The following RYR2 variants were observed in gnomAD, a reference collection of about 807,000 sequenced individuals.
RYR2 encodes the protein ryanodine receptor 2.
In RYR2, 227 loss-of-function variants were observed where a neutral mutation model predicts 601.1. That is an observed-to-expected ratio of 0.38 (90% CI 0.34 to 0.42). The LOEUF (loss-of-function observed/expected upper bound fraction) is 0.42, where lower values mean the gene tolerates loss of function less well. Among genes scored for constraint, RYR2 ranks in the 10% least tolerant of loss-of-function variants. RYR2 has a pLI of 1.00. For missense variants in RYR2, 4,646 were observed against 6,156.5 expected (o/e 0.75, Z 8.21); for synonymous variants, 2,223 against 2,175.1 (o/e 1.02, Z -0.61).
intron 10 of RYR2, among the ~76,000 whole-genome samples, chr1:237,404,023 G>T (rs183232688): frequency 9.7e-4 from 148 of 152,324 alleles, no homozygotes; most frequent in South Asian, 1.9e-3. Context: ...GGAGACTCAG[G>T]TGGGTGGATT....
intron 1 of RYR2, among the ~76,000 whole-genome samples, chr1:237,142,794 T>A (rs903754021): frequency 2.6e-5 from 4 of 152,174 alleles, no homozygotes; most frequent in African/African-American, 9.7e-5. Flanking sequence ...CCTGCCCTTG[T>A]TTCACTGGAA....
intron 11 of RYR2, among the ~76,000 whole-genome samples, chr1:237,422,350 T>C (rs200640150): frequency 1.5e-4 from 23 of 152,198 alleles, no homozygotes; most frequent in Non-Finnish European, 3.1e-4. Context: ...CTCAAACGTT[T>C]ATCATTTCTG....
At chr1:237,637,693 C>CT (rs1395029306) in intron 44 of RYR2, among the ~76,000 whole-genome samples, 1 of 152,138 alleles carries the variant, frequency 6.6e-6, no homozygotes, top group African/African-American at 2.4e-5. Flanking sequence ...TCATATAGAT[C>CT]TTTTAATATC....
intron 1 of RYR2, among the ~76,000 whole-genome samples, chr1:237,126,483 C>T (rs1671436445): frequency 6.6e-6 from 1 of 152,142 alleles, no homozygotes; most frequent in Non-Finnish European, 1.5e-5. Context: ...CCTTTTATCT[C>T]CCTCCCTCCT....
In RYR2 at chr1:237,503,389, A is replaced by G; in HGVS notation, c.2497A>G (p.Lys833Glu). The change falls in exon 22 of 105, where the codon AAA becomes GAA. Residue 833 changes from lysine (K) to glutamate (E), a missense_variant. By Grantham distance (56) the Lys-to-Glu change is moderately conservative. Coordinates refer to ENST00000366574, the MANE Select transcript of RYR2 (RefSeq NM_001035.3). ...AGCTGTTCTGCCAAAAGAAAAGTTG[A>G]AAGTGGAACACAGCCGAGAGTACAA... is the stretch of plus-strand genomic sequence containing the variant. ...YEAVLPKEKLKVEHSREYKQE... is the reference protein window; with the variant it reads ...YEAVLPKEKLEVEHSREYKQE... 6.2e-7 allele frequency: 1 copy of G among 1,613,954 alleles called. No individual in the cohort carries two copies.
At chr1:237,088,157 T>C (rs75539488) in intron 1 of RYR2, among the ~76,000 whole-genome samples, 2 of 152,162 alleles carry the variant, frequency 1.3e-5, no homozygotes, top group Admixed American at 1.3e-4. Flanking sequence ...CTTTTTTTTT[T>C]CCAATCCCAA....
At chr1:237,074,576 C>T (rs1235470152) in intron 1 of RYR2, among the ~76,000 whole-genome samples, 1 of 152,146 alleles carries the variant, frequency 6.6e-6, no homozygotes, top group Non-Finnish European at 1.5e-5. Context: ...AATGTTCTGC[C>T]ACAACCTCCC....
At position 237,680,472 on chromosome 1, in the gene RYR2, T is replaced by C; in HGVS notation, c.8912T>C (p.Ile2971Thr). The C allele has an allele frequency of 6.2e-7, 1 of 1,608,600 alleles. No homozygotes were observed. Among genetic ancestry groups the C allele is most frequent in the Non-Finnish European group, 8.5e-7 (1 of 1,175,586 alleles). Residue 2971 changes from isoleucine (I) to threonine (T), a missense_variant, in exon 62 of 105, where the codon ATT becomes ACT. Physicochemically the swap from Ile to Thr is moderately conservative, Grantham distance 89. This residue lies in a region of RYR2 where 1,497 missense variants were observed against 1,842.6 expected (regional missense o/e 0.81). Transcript: ENST00000366574. ...KFFAKVVLPL[I>T]DQYFKNHRLY... The stretch of plus-strand genomic sequence containing the variant: ...TTCTTTCAGGTCGTTCTTCCTTTAA[T>C]TGATCAGTATTTCAAAAACCATCGT...
At chr1:237,441,839 C>G (rs1483733458) in intron 13 of RYR2, among the ~76,000 whole-genome samples, 1 of 151,920 alleles carries the variant, frequency 6.6e-6, no homozygotes, top group African/African-American at 2.4e-5. Flanking sequence ...TTTGAGGTCC[C>G]CAGAAGCCAA....
rs1678307806 is a variant in RYR2, at chr1:237,614,965, T to C, written c.5715+122T>C. ...CTTTGCATTCCTGTGTAATGGTAGT[T>C]CTTCATAAAATTAACTAACTTCCTA... On this transcript the variant is annotated intron_variant, in intron 37 of 104. Transcript: ENST00000366574. This position sits in a 1 kb window ranked among gnomAD's most constrained non-coding sequence, Gnocchi z 4.3. 2 of 1,011,310 alleles carry C rather than the reference T, an allele frequency of 2.0e-6. No individual in the cohort carries two copies. The highest frequency in any genetic ancestry group is 4.0e-5 in the South Asian group (2 of 49,594). The allele number at this position is 1,011,310 out of a possible 1,614,324, so 62.6% of individuals were successfully genotyped here. A position where few individuals can be genotyped will look rare whatever the true frequency, so the allele number is the denominator to read the frequency against.
At chr1:237,634,080 A>G (rs1003556763) in intron 43 of RYR2, among the ~76,000 whole-genome samples, 3 of 152,340 alleles carry the variant, frequency 2.0e-5, no homozygotes, top group Non-Finnish European at 2.9e-5. Context: ...TAGAACTACC[A>G]TATGATCTAA....
At chr1:237,086,349 G>T (rs1409730895) in intron 1 of RYR2, among the ~76,000 whole-genome samples, 2 of 152,076 alleles carry the variant, frequency 1.3e-5, no homozygotes, top group African/African-American at 4.8e-5. Context: ...TTGGATGAGG[G>T]CTCACCCTCA....
At chr1:237,267,394 C>T (rs2149334600) in intron 1 of RYR2, among the ~76,000 whole-genome samples, 1 of 152,192 alleles carries the variant, frequency 6.6e-6, no homozygotes, top group South Asian at 2.1e-4. Flanking sequence ...GTAGCGCTTG[C>T]CTATAGTCCC....
chr1:237,463,558 G>A (rs1438550728), intron 16 of RYR2, among the ~76,000 whole-genome samples: 1 of 151,978 alleles, frequency 6.6e-6, no homozygotes, highest in African/African-American at 2.4e-5. Context: ...TTAAAGAATG[G>A]GGCCAGGCAA....
chr1:237,436,674 C>T (rs1329811457), intron 12 of RYR2, among the ~76,000 whole-genome samples: 1 of 151,108 alleles, frequency 6.6e-6, no homozygotes, highest in Non-Finnish European at 1.5e-5. Context: ...CATTATTTGT[C>T]TTAAAGAGAC....
chr1:237,350,689 G>A (rs1698762160), intron 3 of RYR2, among the ~76,000 whole-genome samples: 1 of 135,358 alleles, frequency 7.4e-6, no homozygotes, highest in South Asian at 2.4e-4. Context: ...AATCAAGATG[G>A]ACATTTCCCT....
chr1:237,714,186 A>C (rs747840509), intron 71 of RYR2, among the ~76,000 whole-genome samples: 10 of 152,180 alleles, frequency 6.6e-5, no homozygotes, highest in Non-Finnish European at 1.3e-4. Flanking sequence ...CATGCTGCTT[A>C]CCTTGATGGA....
intron 4 of RYR2, among the ~76,000 whole-genome samples, chr1:237,363,174 G>C (rs1427740654): frequency 6.6e-6 from 1 of 151,736 alleles, no homozygotes; most frequent in Non-Finnish European, 1.5e-5. Flanking sequence ...TTGAATTAAG[G>C]CTTAATAATG....
At chr1:237,052,737 A>C (rs547208043) in intron 1 of RYR2, among the ~76,000 whole-genome samples, 66 of 152,244 alleles carry the variant, frequency 4.3e-4, no homozygotes, top group Admixed American at 2.8e-3. Flanking sequence ...GAAGAACAAC[A>C]TATTGAAGGA....
Sources: gnomAD v4.1 joint callset for allele counts (sites outside exome capture counted in the v4.1 genomes callset) on GRCh38, gnomAD v4.1.1 for gene constraint, gnomAD v4.1.1 regional missense constraint, Gnocchi (gnomAD v3.1) non-coding constraint, MANE v1.5 for transcripts, NCBI Gene and HGNC (gene_info 2026-07-23, HGNC 2026-07-21) for gene names.